Variants in ARHGEF39 observed in about 807,000 individuals in gnomAD.
The protein encoded by ARHGEF39 is Rho guanine nucleotide exchange factor 39.
ARHGEF39 carries 45 observed loss-of-function variants against 47.5 expected under a neutral mutation model. That is an observed-to-expected ratio of 0.95 (90% CI 0.75 to 1.22). The LOEUF (loss-of-function observed/expected upper bound fraction) is 1.22. ARHGEF39 is among the 50% of genes most tolerant of loss of function. The probability of loss-of-function intolerance (pLI) is 0.00; values close to 1 mark genes in which losing one functional copy is unlikely to be tolerated. For synonymous variants in ARHGEF39, 164 were observed against 167.8 expected, an observed-to-expected ratio of 0.98 and a Z score of 0.17; for missense variants, 411 against 425.3, an observed-to-expected ratio of 0.97 and a Z score of 0.30.
In ARHGEF39 at chr9:35,659,832, C is replaced by T. The variant is rs1192645928; in HGVS notation, c.*2155G>A. The T allele has an allele frequency of 6.6e-6, 1 of 152,416 alleles. No individual in the cohort carries two copies. The highest frequency in any genetic ancestry group is 6.5e-5 in the Admixed American group (1 of 15,288). 9.4% of individuals were successfully genotyped at this position (152,416 alleles called of 1,614,324 possible). On this transcript the variant is annotated 3_prime_UTR_variant, in exon 9 of 9. Coordinates refer to ENST00000378387, the MANE Select transcript of ARHGEF39 (RefSeq NM_032818.3). The stretch of plus-strand genomic sequence containing the variant: ...GACAAATTTTGGCTTTGTGCATGAA[C>T]TGTCTAACAACCAAAGTTTTTGTTT...
intron 6 of ARHGEF39, 37 bp downstream of exon 6, chr9:35,662,909 G>A: frequency 6.2e-7 from 1 of 1,601,414 alleles, no homozygotes; most frequent in Non-Finnish European, 8.5e-7. Flanking sequence ...ATAAAAGATG[G>A]GGCAGTTGAG....
chr9:35,660,462 G>T lies in ARHGEF39; in HGVS notation c.*1525C>A. 1 of 1,613,460 alleles carries T rather than the reference G, an allele frequency of 6.2e-7. No individual in the cohort carries two copies. Among genetic ancestry groups the T allele is most frequent in the Non-Finnish European group, 8.5e-7 (1 of 1,179,686 alleles). On this transcript the variant is annotated 3_prime_UTR_variant, in exon 9 of 9. Transcript: ENST00000378387. ...AGCAAGCAGCAGCCACTGCAGTCAG[G>T]TGGGTTTAGCAGAAGTCTGTGCTGG... is the stretch of plus-strand genomic sequence containing the variant.
At chr9:35,663,293 G>A in intron 5 of ARHGEF39, 29 bp downstream of exon 5, 1 of 1,611,548 alleles carries the variant, frequency 6.2e-7, no homozygotes, top group Non-Finnish European at 8.5e-7. Context: ...GAAGCCTCCA[G>A]CCTGCGTTGC....
intron 3 of ARHGEF39, 122 bp from the exon 4 acceptor site, chr9:35,664,248 A>C (rs1328491923): frequency 1.3e-6 from 2 of 1,513,592 alleles, no homozygotes; most frequent in East Asian, 4.5e-5. Context: ...TCGTTTCTCT[A>C]CAAGGAACTT....
In ARHGEF39 at chr9:35,661,238, A is replaced by T. The variant is rs376817292; in HGVS notation, c.*749T>A. The T allele has an allele frequency of 9.7e-5, 132 of 1,358,204 alleles. No individual in the cohort carries two copies. Among genetic ancestry groups the T allele is most frequent in the Non-Finnish European group, 1.3e-4 (127 of 984,678 alleles). The allele number at this position is 1,358,204 out of a possible 1,614,324, so 84.1% of individuals were successfully genotyped here. On this transcript the variant is annotated 3_prime_UTR_variant, in exon 9 of 9. Coordinates refer to ENST00000378387, the MANE Select transcript of ARHGEF39 (RefSeq NM_032818.3). ...ATCCTAGTTGGTTGTACACACCCAT[A>T]CTAGGTGCCTAAGGACAACTGGGCC...
In ARHGEF39 at chr9:35,664,954, G is replaced by C. The variant is rs956631045; in HGVS notation, c.138+78C>G. ...TCTGCCCAGGCTCCCTACATGCTCC[G>C]GGTTACCGACCTCGCAGAGACCCTC... On this transcript the variant is annotated intron_variant, in intron 1 of 8. Coordinates refer to ENST00000378387, the MANE Select transcript of ARHGEF39 (RefSeq NM_032818.3). 54 of 1,513,356 alleles carry C rather than the reference G, an allele frequency of 3.6e-5. No homozygotes were observed. The African/African-American group carries it at 6.6e-4, about 18-fold the overall frequency. 93.7% of individuals were successfully genotyped at this position (1,513,356 alleles called of 1,614,324 possible).
Position 35,663,059 on chromosome 9 carries a change from A to C in ARHGEF39, c.560T>G (p.Ile187Arg). Residue 187 changes from isoleucine to arginine, a missense_variant, in exon 6 of 9, where the codon ATA becomes AGA. Transcript: ENST00000378387. ...ATGGACTCTCTGGGCAGTCTCACTT[A>C]TCAGTCGGGCAGCCCCTGGAATAAC... ...HQQLTRAARLISETAQRVHTI... is the reference protein window; with the variant it reads ...HQQLTRAARLRSETAQRVHTI... 6.2e-7 allele frequency: 1 copy of C among 1,613,502 alleles called. No individual in the cohort carries two copies. Among genetic ancestry groups the C allele is most frequent in the South Asian group, 1.1e-5 (1 of 91,056 alleles).
At chr9:35,664,343 G>A in intron 3 of ARHGEF39, 29 bp downstream of exon 3, 1 of 1,581,044 alleles carries the variant, frequency 6.3e-7, no homozygotes, top group Non-Finnish European at 8.6e-7. Context: ...AAAGGTAAGG[G>A]GCAAGATTTG....
rs1449892773 is a variant in ARHGEF39, at chr9:35,660,850, C to T, written c.*1137G>A. The stretch of plus-strand genomic sequence containing the variant: ...AAGCCGGACAAGGATATGGAGGCTT[C>T]AGAACCAGGTGAAGGCTCGGGAGGC... On this transcript the variant is annotated 3_prime_UTR_variant, in exon 9 of 9. Transcript: ENST00000378387. 1 of 1,614,168 alleles carries T rather than the reference C, an allele frequency of 6.2e-7. No individual in the cohort carries two copies. Among genetic ancestry groups the T allele is most frequent in the East Asian group, 2.2e-5 (1 of 44,886 alleles).
rs1233566042 is a variant in ARHGEF39 at position 35,660,276 on chromosome 9, C to G, written c.*1711G>C. ...CTAGATAGACTAGGATTGTGATTCT[C>G]TGAGGTAAAAACCCAATCACTGTCT... is the stretch of plus-strand genomic sequence containing the variant. On this transcript the variant is annotated 3_prime_UTR_variant, in exon 9 of 9. Coordinates refer to ENST00000378387, the MANE Select transcript of ARHGEF39 (RefSeq NM_032818.3). 3 of 780,916 alleles carry G rather than the reference C, an allele frequency of 3.8e-6. No individual in the cohort carries two copies. Among genetic ancestry groups the G allele is most frequent in the South Asian group, 1.8e-5 (1 of 56,674 alleles). 48.4% of individuals were successfully genotyped at this position (780,916 alleles called of 1,614,324 possible). A position where few individuals can be genotyped will look rare whatever the true frequency, so the allele number is the denominator to read the frequency against.
chr9:35,661,847 T>C lies in ARHGEF39; in HGVS notation c.*140A>G. 1 of 997,838 alleles carries C rather than the reference T, an allele frequency of 1.0e-6. No homozygotes were observed. Among genetic ancestry groups the C allele is most frequent in the Non-Finnish European group, 1.5e-6 (1 of 669,614 alleles). The allele number at this position is 997,838 out of a possible 1,614,324, so 61.8% of individuals were successfully genotyped here. A position where few individuals can be genotyped will look rare whatever the true frequency, so the allele number is the denominator to read the frequency against. On this transcript the variant is annotated 3_prime_UTR_variant, in exon 9 of 9. Transcript: ENST00000378387. ...TAAGAGTTGGTCAGATGATCTGGAG[T>C]AGCTTGGTCCAGGCAAACAGAAAGT...
At chr9:35,662,797 A>T (rs558050585) in intron 6 of ARHGEF39, 56 bp from the exon 7 acceptor site, 2 of 1,522,252 alleles carry the variant, frequency 1.3e-6, no homozygotes, top group Non-Finnish European at 1.8e-6. Context: ...TGGGAATAAG[A>T]GGAAAGGGAG....
In ARHGEF39 at chr9:35,660,858, G is replaced by T; in HGVS notation, c.*1129C>A. On this transcript the variant is annotated 3_prime_UTR_variant, in exon 9 of 9. Transcript: ENST00000378387. ...CAAGGATATGGAGGCTTCAGAACCA[G>T]GTGAAGGCTCGGGAGGCGAGTCTGC... 6.2e-7 allele frequency: 1 copy of T among 1,614,206 alleles called. No individual in the cohort carries two copies. The highest frequency in any genetic ancestry group is 1.3e-5 in the African/African-American group (1 of 75,054).
rs750964618 is a variant in ARHGEF39 at position 35,660,896 on chromosome 9, CAA to C, written c.*1089_*1090del. 5.0e-6 allele frequency: 8 copies of C among 1,614,028 alleles called. No individual in the cohort carries two copies. The highest frequency in any genetic ancestry group is 4.5e-5 in the East Asian group (2 of 44,892). ...GAGGCGAGTCTGCTGGAGGTGGAGA[CAA>C]AGTCTCTGAAACTGGAACATTCCTG... On this transcript the variant is annotated 3_prime_UTR_variant, in exon 9 of 9. Transcript: ENST00000378387.
Position 35,662,948 on chromosome 9 carries a change from G to C in ARHGEF39, c.671C>G (p.Ser224Ter), listed in dbSNP as rs1824042786. 5 of 1,603,638 alleles carry C rather than the reference G, an allele frequency of 3.1e-6. No homozygotes were observed. The East Asian group carries it at 1.1e-4, about 36-fold the overall frequency. ...TGAAGGGGAAGTAGGCAAGCTACCT[G>C]AGGTCAGCCCCTTTGCCTGGCGTCC... is the stretch of plus-strand genomic sequence containing the variant. ...LSGRQAKGLTSGRWFLRQGWL... is the reference protein window; with the variant it reads ...LSGRQAKGLT Residue 224 changes from serine (S) to a stop codon, truncating the protein, a stop_gained and splice_region_variant, in exon 6 of 9, where the codon TCA (serine) becomes TGA (stop). Coordinates refer to ENST00000378387, the MANE Select transcript of ARHGEF39 (RefSeq NM_032818.3). LOFTEE classifies it high-confidence loss of function.
At chr9:35,663,843 G>A (rs1824099784) in intron 4 of ARHGEF39, among the ~76,000 whole-genome samples, 165 bp downstream of exon 4, 1 of 152,152 alleles carries the variant, frequency 6.6e-6, no homozygotes, top group Non-Finnish European at 1.5e-5. Context: ...CAGACCCTGG[G>A]TACTCCAATG....
chr9:35,663,467 C>G, intron 4 of ARHGEF39, 75 bp from the exon 5 acceptor site: 1 of 1,265,484 alleles, frequency 7.9e-7, no homozygotes, highest in Non-Finnish European at 1.1e-6. Context: ...TGCAGATCAC[C>G]CTCTACCCAT....
Position 35,660,155 on chromosome 9 carries a change from T to G in ARHGEF39, c.*1832A>C. On this transcript the variant is annotated 3_prime_UTR_variant, in exon 9 of 9. Coordinates refer to ENST00000378387, the MANE Select transcript of ARHGEF39 (RefSeq NM_032818.3). ...CCACAGCACTCAGCCACCAGAGCTT[T>G]TTTCAAACCGGAGGGAGTTGCTCAT... The G allele has an allele frequency of 2.4e-6, 1 of 417,038 alleles. No individual in the cohort carries two copies. The highest frequency in any genetic ancestry group is 3.5e-5 in the South Asian group (1 of 28,670). The allele number at this position is 417,038 out of a possible 1,614,324, so 25.8% of individuals were successfully genotyped here.
rs1823889628 is a variant in ARHGEF39 at position 35,660,814 on chromosome 9, TG to T, written c.*1172del. 1 of 1,614,038 alleles carries T rather than the reference TG, an allele frequency of 6.2e-7. No homozygotes were observed. The highest frequency in any genetic ancestry group is 8.5e-7 in the Non-Finnish European group (1 of 1,180,048). ...AAGCTATGGACCATCCACGAGCTGC[TG>T]CAAGATAGCAAGCCGGACAAGGATA... On this transcript the variant is annotated 3_prime_UTR_variant, in exon 9 of 9. Transcript: ENST00000378387.
Sources: allele counts gnomAD v4.1 joint callset (sites outside exome capture counted in the v4.1 genomes callset), GRCh38; gene constraint gnomAD v4.1.1; transcripts MANE v1.5; gene names NCBI Gene and HGNC (gene_info 2026-07-23, HGNC 2026-07-21).